Variants in DCC observed in about 807,000 individuals in gnomAD.
DCC encodes the protein DCC netrin 1 receptor.
A neutral mutation model predicts 172.5 loss-of-function variants in DCC; 58 were observed. The observed-to-expected ratio is 0.34, with a 90% CI of 0.27 to 0.42. DCC has a LOEUF of 0.42. DCC is among the 10% of genes least tolerant of loss of function. DCC has a pLI of 1.00. For synonymous variants in DCC, 709 were observed against 644.5 expected (o/e 1.10, Z -1.52); for missense variants, 1,740 against 1,791.0 (o/e 0.97, Z 0.51).
chr18:52,451,296 C>A (rs564722148), intron 1 of DCC, among the ~76,000 whole-genome samples: 2 of 152,242 alleles, frequency 1.3e-5, no homozygotes, highest in Admixed American at 1.3e-4. Context: ...TGTTTCCCAG[C>A]CTCCAGAAGA....
At chr18:53,487,054 G>A in intron 26 of DCC, 96 bp downstream of exon 26, 1 of 1,510,106 alleles carries the variant, frequency 6.6e-7, no homozygotes, top group African/African-American at 1.4e-5. Flanking sequence ...CCTTAGAAAA[G>A]TTGATTTCCC....
chr18:52,623,184 T>C (rs2034512163), intron 1 of DCC, among the ~76,000 whole-genome samples: 1 of 152,288 alleles, frequency 6.6e-6, no homozygotes, highest in African/African-American at 2.4e-5. Flanking sequence ...ATAAAAACTT[T>C]GAAGGGTATA....
intron 23 of DCC, among the ~76,000 whole-genome samples, chr18:53,455,756 C>G (rs558886034): frequency 1.3e-5 from 2 of 152,086 alleles, no homozygotes; most frequent in Non-Finnish European, 2.9e-5. Context: ...ATGTTTTTGT[C>G]CCTTCTACTT....
Position 53,376,126 on chromosome 18 carries a change from G to T in DCC, c.2360-9917G>T, listed in dbSNP as rs75681025. On this transcript the variant is annotated intron_variant, in intron 15 of 28. Transcript: ENST00000442544. ...TAAAAATCAAGCCAGACGCGGTGAC[G>T]TGTGGCTGTAATCCCAGCACTCTGA... is the stretch of plus-strand genomic sequence containing the variant. Among the ~76,000 whole-genome samples the T allele has an allele frequency of 1.3e-4, 20 of 152,166 alleles. No individual in the cohort carries two copies. The South Asian group carries it at 3.7e-3, about 28-fold the overall frequency.
intron 7 of DCC, among the ~76,000 whole-genome samples, chr18:53,101,836 TGTGTGC>T (rs66685904): frequency 1.3e-4 from 20 of 150,860 alleles, no homozygotes; most frequent in African/African-American, 3.2e-4. Context: ...TATTTGTGTG[TGTGTGC>T]GTGTGCGTGT....
intron 7 of DCC, among the ~76,000 whole-genome samples, chr18:53,143,623 C>G (rs1172602325): frequency 6.6e-6 from 1 of 152,188 alleles, no homozygotes; most frequent in South Asian, 2.1e-4. Flanking sequence ...GACCCTAGAG[C>G]AGCAGGAAAC....
chr18:52,455,734 T>C (rs570091998), intron 1 of DCC, among the ~76,000 whole-genome samples: 78 of 152,308 alleles, frequency 5.1e-4, no homozygotes, highest in African/African-American at 1.8e-3. Flanking sequence ...ATGGGGTTAT[T>C]ATTATTCCAT....
intron 5 of DCC, among the ~76,000 whole-genome samples, chr18:52,986,761 GTA>G (rs1048854215): frequency 6.7e-6 from 1 of 148,502 alleles, no homozygotes; most frequent in African/African-American, 2.6e-5. Flanking sequence ...CACACGTGTA[GTA>G]TATATATACA....
intron 27 of DCC, among the ~76,000 whole-genome samples, chr18:53,513,905 A>AAGAC (rs973717171): frequency 6.6e-6 from 1 of 151,120 alleles, no homozygotes; most frequent in African/African-American, 2.4e-5. Flanking sequence ...ACAGATCAAC[A>AAGAC]AGACAGAAAG....
chr18:52,388,227 T>C (rs1463925407), intron 1 of DCC, among the ~76,000 whole-genome samples: 1 of 151,982 alleles, frequency 6.6e-6, no homozygotes, highest in Non-Finnish European at 1.5e-5. Context: ...ATTGAGGCAT[T>C]AGGAGAAGGC....
chr18:53,347,331 T>C (rs1469493351), intron 15 of DCC, among the ~76,000 whole-genome samples: 2 of 152,150 alleles, frequency 1.3e-5, no homozygotes, highest in African/African-American at 4.8e-5. Context: ...TCAGACCTCA[T>C]ATAGTTGGGA....
intron 1 of DCC, among the ~76,000 whole-genome samples, chr18:52,610,205 ATATATATATATATATATATAT>A (rs2034243471): frequency 1.2e-5 from 1 of 81,574 alleles, no homozygotes; most frequent in African/African-American, 5.5e-5. Flanking sequence ...ATATATATAT[ATATATATATATATATATATAT>A]AAAATTAGCC....
chr18:53,091,886 T>C (rs768203851), intron 7 of DCC, among the ~76,000 whole-genome samples: 7 of 151,772 alleles, frequency 4.6e-5, no homozygotes, highest in Non-Finnish European at 1.0e-4. Flanking sequence ...TCTACATAAA[T>C]ATGTCTTTAA....
intron 2 of DCC, among the ~76,000 whole-genome samples, chr18:52,862,119 G>A (rs7227676): frequency 0.052 from 7,956 of 151,602 alleles, 278 homozygotes; most frequent in South Asian, 0.14. Context: ...AATATAACTT[G>A]AATAAAGTTA....
At chr18:53,206,544 GTATA>G (rs1311553744) in intron 10 of DCC, among the ~76,000 whole-genome samples, 2 of 142,214 alleles carry the variant, frequency 1.4e-5, no homozygotes, top group Admixed American at 7.2e-5. Context: ...ACATATCTAT[GTATA>G]TATACATGTA....
At chr18:53,320,166 G>T (rs775647726) in intron 13 of DCC, among the ~76,000 whole-genome samples, 2 of 146,074 alleles carry the variant, frequency 1.4e-5, no homozygotes, top group African/African-American at 5.2e-5. Flanking sequence ...TCTGCCTCCC[G>T]GGTCCATGCC....
intron 2 of DCC, among the ~76,000 whole-genome samples, chr18:52,845,905 A>T (rs1337602325): frequency 2.0e-5 from 3 of 150,352 alleles, no homozygotes; most frequent in Non-Finnish European, 4.5e-5. Flanking sequence ...CCCTCCTTAG[A>T]GGTTAGTTTG....
chr18:52,894,250 C>T (rs2039694488), intron 2 of DCC, among the ~76,000 whole-genome samples: 1 of 152,126 alleles, frequency 6.6e-6, no homozygotes, highest in African/African-American at 2.4e-5. Context: ...TATATATTTG[C>T]CTTTCCTACT....
intron 5 of DCC, among the ~76,000 whole-genome samples, chr18:53,027,167 T>C (rs1307944454): frequency 6.6e-6 from 1 of 152,104 alleles, no homozygotes; most frequent in Non-Finnish European, 1.5e-5. Flanking sequence ...GACAATTGGG[T>C]TCTCGACTTC....
Sources: allele counts gnomAD v4.1 joint callset (sites outside exome capture counted in the v4.1 genomes callset), GRCh38; gene constraint gnomAD v4.1.1; transcripts MANE v1.5; gene names NCBI Gene and HGNC (gene_info 2026-07-23, HGNC 2026-07-21).